Variants in USP25 observed in about 807,000 individuals in gnomAD.
USP25 encodes ubiquitin carboxyl-terminal hydrolase 25.
A neutral mutation model predicts 158.5 loss-of-function variants in USP25; 85 were observed. The ratio of observed to expected loss-of-function variants is 0.54; its 90% CI spans 0.45 to 0.64. The LOEUF (loss-of-function observed/expected upper bound fraction) is 0.64. Among genes scored for constraint, USP25 ranks in the 30% least tolerant of loss-of-function variants. The pLI is 0.00. For missense variants in USP25, 1,242 were observed against 1,327.3 expected (o/e 0.94, Z 1.00); for synonymous variants, 464 against 460.4 (o/e 1.01, Z -0.10).
intron 20 of USP25, among the ~76,000 whole-genome samples, chr21:15,860,447 G>A (rs1278083242): frequency 6.6e-6 from 1 of 152,120 alleles, no homozygotes; most frequent in East Asian, 1.9e-4. Flanking sequence ...GAGCCACTGT[G>A]CCTGGCCTGG....
intron 19 of USP25, 90 bp downstream of exon 19, chr21:15,847,866 G>A (rs1378843695): frequency 4.1e-6 from 3 of 728,428 alleles, no homozygotes; most frequent in Non-Finnish European, 6.8e-6. Context: ...CATACTTAAT[G>A]TCTATTGCCA....
rs117954672 is a variant in USP25, at chr21:15,848,211, A to G, written c.2451+435A>G. Among the ~76,000 whole-genome samples, 354 of 152,222 alleles carry G rather than the reference A, an allele frequency of 2.3e-3. 4 individuals carry two copies. In the East Asian group the frequency reaches 0.061, roughly 26 times the overall value. On this transcript the variant is annotated intron_variant, in intron 19 of 25. Coordinates refer to ENST00000400183, the MANE Select transcript of USP25 (RefSeq NM_001283041.3). ...CATGATTGCAGGATGGATAATTGAT[A>G]TTTTTGCTTCTACAGCCTCTCCATG...
At chr21:15,793,615 T>C (rs1359899626) in intron 5 of USP25, among the ~76,000 whole-genome samples, 2 of 151,556 alleles carry the variant, frequency 1.3e-5, no homozygotes, top group South Asian at 2.1e-4. Flanking sequence ...GCTTGAGTTA[T>C]TTATTTTTTC....
intron 2 of USP25, 66 bp from the exon 3 acceptor site, chr21:15,765,931 G>A: frequency 6.6e-7 from 1 of 1,515,306 alleles, no homozygotes; most frequent in Non-Finnish European, 8.9e-7. Context: ...GGAGAATATT[G>A]TATAACTTTT....
Position 15,847,682 on chromosome 21 carries a change from G to C in USP25, c.2357G>C (p.Ser786Thr). 6.5e-7 allele frequency: 1 copy of C among 1,549,814 alleles called. No individual in the cohort carries two copies. The highest frequency in any genetic ancestry group is 8.7e-7 in the Non-Finnish European group (1 of 1,146,472). ...VLQSKPENTT[S>T]QPLSNQRVVE... is the part of the protein sequence containing the mutation. Reference sequence around the variant, plus strand: ...CTGCAGAAACCTGAAAATACTACAAGCCAACCACTTTCTAATCAGCGAGTT... The same window carrying C: ...CTGCAGAAACCTGAAAATACTACAACCCAACCACTTTCTAATCAGCGAGTT... Residue 786 changes from serine to threonine, a missense_variant, in exon 19 of 26, where the codon AGC (serine) becomes ACC (threonine). By Grantham distance (58) the Ser-to-Thr change is moderately conservative. This residue lies in a region of USP25 where 608 missense variants were observed against 605.2 expected (regional missense o/e 1.00). Coordinates refer to ENST00000400183, the MANE Select transcript of USP25 (RefSeq NM_001283041.3).
intron 4 of USP25, among the ~76,000 whole-genome samples, chr21:15,783,309 A>C (rs2035074311): frequency 1.3e-5 from 2 of 152,210 alleles, no homozygotes; most frequent in African/African-American, 4.8e-5. Context: ...CAGAGAAAGA[A>C]TAAGTGAAGA....
intron 16 of USP25, among the ~76,000 whole-genome samples, chr21:15,832,258 G>A (rs2037839642): frequency 6.6e-6 from 1 of 152,054 alleles, no homozygotes; most frequent in East Asian, 1.9e-4. Context: ...GACTTGTCTT[G>A]CACATTTCTC....
chr21:15,873,551 G>A (rs942750405), intron 23 of USP25, among the ~76,000 whole-genome samples: 2 of 151,668 alleles, frequency 1.3e-5, no homozygotes, highest in East Asian at 3.9e-4. Context: ...GCCCAGGCTG[G>A]AGTGCAGTGG....
At chr21:15,734,756 A>C (rs886103812) in intron 1 of USP25, among the ~76,000 whole-genome samples, 1 of 152,132 alleles carries the variant, frequency 6.6e-6, no homozygotes, top group Non-Finnish European at 1.5e-5. Flanking sequence ...ATTTTCTTAC[A>C]TTCCTAAGTT....
At chr21:15,853,960 TTTG>T (rs1481620976) in intron 20 of USP25, among the ~76,000 whole-genome samples, 3 of 152,216 alleles carry the variant, frequency 2.0e-5, no homozygotes, top group Non-Finnish European at 4.4e-5. Context: ...TCTTCCTTTT[TTTG>T]ATTGATTCTA....
intron 20 of USP25, among the ~76,000 whole-genome samples, chr21:15,850,344 T>C (rs925196304): frequency 1.3e-5 from 2 of 152,030 alleles, no homozygotes; most frequent in Middle Eastern, 3.2e-3. Flanking sequence ...TTGTTATGTT[T>C]CCCCATAATT....
intron 22 of USP25, among the ~76,000 whole-genome samples, chr21:15,869,284 A>G (rs1192398412): frequency 2.0e-5 from 3 of 150,562 alleles, no homozygotes; most frequent in Non-Finnish European, 3.0e-5. Flanking sequence ...CAAGGAGAAT[A>G]TCGTTGGCTA....
At chr21:15,777,788 C>A in intron 3 of USP25, 116 bp from the exon 4 acceptor site, 2 of 901,908 alleles carry the variant, frequency 2.2e-6, no homozygotes, top group East Asian at 3.1e-5. Context: ...TTTAGAAATA[C>A]AAAATTAGTT....
At chr21:15,777,739 C>A (rs1486774436) in intron 3 of USP25, among the ~76,000 whole-genome samples, 165 bp from the exon 4 acceptor site, 5 of 151,994 alleles carry the variant, frequency 3.3e-5, no homozygotes, top group Non-Finnish European at 7.4e-5. Flanking sequence ...CTGAGTATGA[C>A]CAGTTAAAAA....
At chr21:15,763,004 A>G (rs758096484) in intron 2 of USP25, 36 bp downstream of exon 2, 3 of 1,573,820 alleles carry the variant, frequency 1.9e-6, no homozygotes, top group South Asian at 1.2e-5. Context: ...AGTTTGTGGT[A>G]TATGCTCATC....
chr21:15,811,220 T>G lies in USP25; in HGVS notation c.931+10T>G, dbSNP rs763383010. 49 of 1,602,000 alleles carry G rather than the reference T, an allele frequency of 3.1e-5. No individual in the cohort carries two copies. Among genetic ancestry groups the G allele is most frequent in the Non-Finnish European group, 4.0e-5 (47 of 1,174,738 alleles). On this transcript the variant is annotated intron_variant, in intron 9 of 25. Coordinates refer to ENST00000400183, the MANE Select transcript of USP25 (RefSeq NM_001283041.3). ...GTGGGAGTACTTGAAGGTAGAGTTA[T>G]ACATTTACTTTTTATTGCAAGTGAA... is the stretch of plus-strand genomic sequence containing the variant.
In USP25 at chr21:15,831,552, A is replaced by G. The variant is rs1169806576; in HGVS notation, c.1916A>G (p.Asp639Gly). ...TKSSWEELVRDSFGGYRNASA... is the reference protein window; with the variant it reads ...TKSSWEELVRGSFGGYRNASA... Reference sequence around the variant, plus strand: ...TCATCATGGGAAGAGCTAGTGAGGGACTCTTTTGGTGGTTATAGAAATGCC... The same window carrying G: ...TCATCATGGGAAGAGCTAGTGAGGGGCTCTTTTGGTGGTTATAGAAATGCC... Residue 639 changes from aspartate to glycine, a missense_variant, in exon 16 of 26, where the codon GAC (aspartate) becomes GGC (glycine). Asp to Gly is a moderately conservative substitution (Grantham distance 94). Around this residue, in one of 3 missense-constraint regions of USP25, gnomAD observed 608 missense variants for 605.2 expected, o/e 1.00. Coordinates refer to ENST00000400183, the MANE Select transcript of USP25 (RefSeq NM_001283041.3). 6.2e-7 allele frequency: 1 copy of G among 1,613,712 alleles called. No homozygotes were observed. The highest frequency in any genetic ancestry group is 8.5e-7 in the Non-Finnish European group (1 of 1,179,884).
At chr21:15,814,377 T>C (rs2036828930) in intron 9 of USP25, among the ~76,000 whole-genome samples, 1 of 151,964 alleles carries the variant, frequency 6.6e-6, no homozygotes, top group African/African-American at 2.4e-5. Flanking sequence ...GGTGAAAAGA[T>C]ACCTGAAAAT....
chr21:15,805,050 A>G, intron 6 of USP25, 71 bp from the exon 7 acceptor site: 1 of 1,441,790 alleles, frequency 6.9e-7, no homozygotes, highest in Non-Finnish European at 9.1e-7. Flanking sequence ...TGTTAAAATG[A>G]ATATTTATTA....
Sources: allele counts gnomAD v4.1 joint callset (sites outside exome capture counted in the v4.1 genomes callset), GRCh38; gene constraint gnomAD v4.1.1; regional missense constraint gnomAD v4.1.1; transcripts MANE v1.5; gene names NCBI Gene and HGNC (gene_info 2026-07-23, HGNC 2026-07-21).